The following KIF5C variants were observed in gnomAD, a reference collection of about 807,000 sequenced individuals.
The protein encoded by KIF5C is kinesin family member 5C.
A neutral mutation model predicts 125.2 loss-of-function variants in KIF5C; 18 were observed. That is an observed-to-expected ratio of 0.14 (90% CI 0.10 to 0.21). KIF5C has a LOEUF of 0.21. Ranked by LOEUF, KIF5C falls within the 10% of genes least tolerant of loss-of-function variation. The pLI is 1.00. For synonymous variants in KIF5C, 405 were observed against 434.0 expected, an observed-to-expected ratio of 0.93 and a Z score of 0.83; for missense variants, 780 against 1,183.8, an observed-to-expected ratio of 0.66 and a Z score of 5.01.
At chr2:148,942,123 A>G in intron 6 of KIF5C, 133 bp downstream of exon 6, 1 of 986,800 alleles carries the variant, frequency 1.0e-6, no homozygotes, top group East Asian at 2.8e-5. Context: ...TATATTTAAT[A>G]TTCATCTGGT....
chr2:148,919,007 A>G (rs1574741312), intron 1 of KIF5C, among the ~76,000 whole-genome samples: 1 of 152,320 alleles, frequency 6.6e-6, no homozygotes, highest in East Asian at 1.9e-4. Flanking sequence ...AATGGTTCTT[A>G]GTTTTCAGTC....
chr2:148,931,562 C>G (rs1007951223), intron 3 of KIF5C, among the ~76,000 whole-genome samples: 3 of 152,168 alleles, frequency 2.0e-5, no homozygotes, highest in African/African-American at 7.2e-5. Context: ...ACCCAGGAGG[C>G]TGATGCAGGA....
intron 17 of KIF5C, among the ~76,000 whole-genome samples, chr2:148,995,434 A>G (rs1012319455): frequency 3.3e-5 from 5 of 152,234 alleles, no homozygotes; most frequent in African/African-American, 1.2e-4. Context: ...TGCCTCGCAC[A>G]TAGGAAGCAC....
rs556699805 is a variant in KIF5C, at chr2:148,970,932, G to T, written c.1118-2404G>T. Among the ~76,000 whole-genome samples the T allele has an allele frequency of 2.0e-5, 3 of 152,160 alleles. No individual in the cohort carries two copies. In the East Asian group the frequency reaches 5.8e-4, roughly 29 times the overall value. ...TTACCTCTTTACTTGGAGTGAGTTG[G>T]CCTGTGGATAATATGACCATGTTCT... On this transcript the variant is annotated intron_variant, in intron 11 of 25. Coordinates refer to ENST00000435030, the MANE Select transcript of KIF5C (RefSeq NM_004522.3).
chr2:148,927,910 C>T (rs943397295), intron 2 of KIF5C, among the ~76,000 whole-genome samples: 1 of 151,954 alleles, frequency 6.6e-6, no homozygotes, highest in African/African-American at 2.4e-5. Flanking sequence ...CTCCCTGTCC[C>T]TCCTCTCCCA....
intron 16 of KIF5C, among the ~76,000 whole-genome samples, chr2:148,992,134 A>G (rs1163911437): frequency 6.6e-6 from 1 of 152,246 alleles, no homozygotes; most frequent in East Asian, 1.9e-4. Flanking sequence ...TATGCTTTTA[A>G]CCATAATAAT....
chr2:148,904,840 C>T (rs1436292830), intron 1 of KIF5C, among the ~76,000 whole-genome samples: 1 of 152,166 alleles, frequency 6.6e-6, no homozygotes, highest in Non-Finnish European at 1.5e-5. Flanking sequence ...TAATTTTAGG[C>T]AGTACACAGC....
At chr2:148,947,961 G>A (rs1484558028) in intron 8 of KIF5C, 15 of 456,548 alleles carry the variant, frequency 3.3e-5, no homozygotes, top group South Asian at 1.4e-4. Context: ...TTACATCCAC[G>A]TGAGTAATGG....
At chr2:148,990,322 A>C (rs993484971) in intron 15 of KIF5C, among the ~76,000 whole-genome samples, 5 of 152,218 alleles carry the variant, frequency 3.3e-5, no homozygotes, top group Non-Finnish European at 7.3e-5. Flanking sequence ...AGATGATCTT[A>C]AATAATGAGC....
intron 19 of KIF5C, chr2:148,998,973 T>G (rs905031231): frequency 1.9e-5 from 3 of 155,730 alleles, no homozygotes; most frequent in Non-Finnish European, 4.2e-5. Context: ...ACACGCTCAC[T>G]GGGCAACCCA....
At position 148,875,569 on chromosome 2, in the gene KIF5C, G is replaced by GCCCCCGGGCCCCCCCCCCCA; in HGVS notation, c.-45_-44insCGGGCCCCCCCCCCCACCCC. The GCCCCCGGGCCCCCCCCCCCA allele has an allele frequency of 1.4e-6, 1 of 689,868 alleles. No homozygotes were observed. The highest frequency in any genetic ancestry group is 2.6e-6 in the Non-Finnish European group (1 of 380,192). 42.7% of individuals were successfully genotyped at this position (689,868 alleles called of 1,614,324 possible). On this transcript the variant is annotated 5_prime_UTR_variant, in exon 1 of 26. Coordinates refer to ENST00000435030, the MANE Select transcript of KIF5C (RefSeq NM_004522.3). Reference sequence around the variant, plus strand: ...GCGGCCTCCTCCCTCGTCGTTCCCGGCCCCGGCCCCCCACCCATCCCCGTG... The same window carrying GCCCCCGGGCCCCCCCCCCCA: ...GCGGCCTCCTCCCTCGTCGTTCCCGGCCCCCGGGCCCCCCCCCCCACCCCGGCCCCCCACCCATCCCCGTG...
chr2:148,927,984 C>T (rs138128750), intron 2 of KIF5C, among the ~76,000 whole-genome samples: 1,886 of 152,176 alleles, frequency 0.012, 44 homozygotes, highest in African/African-American at 0.043. Flanking sequence ...AAAATCCTGC[C>T]ACTTAATTTT....
chr2:148,946,316 C>T (rs532252449), intron 7 of KIF5C, among the ~76,000 whole-genome samples: 3 of 152,124 alleles, frequency 2.0e-5, no homozygotes, highest in East Asian at 1.9e-4. Flanking sequence ...CAGACAAAGA[C>T]GAGGATTTGC....
chr2:148,986,821 C>T (rs1291576494), intron 15 of KIF5C, among the ~76,000 whole-genome samples: 1 of 152,180 alleles, frequency 6.6e-6, no homozygotes, highest in Non-Finnish European at 1.5e-5. Context: ...CCATATATCC[C>T]CAGCTCAATC....
intron 1 of KIF5C, among the ~76,000 whole-genome samples, chr2:148,882,860 A>C (rs1291146044): frequency 6.6e-6 from 1 of 152,138 alleles, no homozygotes; most frequent in Non-Finnish European, 1.5e-5. Context: ...CCTTTCCTCC[A>C]ATTAGGCTGA....
chr2:148,978,334 GTTTTTTTTTT>G (rs71406035), intron 12 of KIF5C, among the ~76,000 whole-genome samples: 979 of 78,674 alleles, frequency 0.012, 29 homozygotes, highest in Middle Eastern at 0.042. Context: ...CTGCCCTGAG[GTTTTTTTTTT>G]TTTTTTTTTT....
chr2:148,986,685 C>T (rs1458520756), intron 15 of KIF5C, among the ~76,000 whole-genome samples: 2 of 152,102 alleles, frequency 1.3e-5, no homozygotes, highest in Non-Finnish European at 2.9e-5. Context: ...CCTAAAATGC[C>T]ATTTAATTTT....
intron 25 of KIF5C, among the ~76,000 whole-genome samples, chr2:149,021,666 C>T (rs1375583892): frequency 6.7e-6 from 1 of 149,072 alleles, no homozygotes; most frequent in Non-Finnish European, 1.5e-5. Context: ...TATAAGCCTT[C>T]TAGAGGCAAA....
At chr2:148,948,955 T>G (rs1682590759) in intron 8 of KIF5C, among the ~76,000 whole-genome samples, 1 of 152,114 alleles carries the variant, frequency 6.6e-6, no homozygotes, top group African/African-American at 2.4e-5. Context: ...GAAAGAAACC[T>G]CCCCCTGGAC....
Sources: gnomAD v4.1 joint callset for allele counts (sites outside exome capture counted in the v4.1 genomes callset) on GRCh38, gnomAD v4.1.1 for gene constraint, MANE v1.5 for transcripts, NCBI Gene and HGNC (gene_info 2026-07-23, HGNC 2026-07-21) for gene names.